Variants in TMEM41A observed in about 807,000 individuals in gnomAD.
TMEM41A encodes transmembrane protein 41A.
In TMEM41A, 20 loss-of-function variants were observed where a neutral mutation model predicts 25.7. That is an observed-to-expected ratio of 0.78 (90% confidence interval 0.55 to 1.13). TMEM41A has a LOEUF of 1.13. Among genes scored for constraint, TMEM41A ranks in the 50% most tolerant of loss-of-function variants. TMEM41A has a pLI of 0.00. For missense variants in TMEM41A, 299 were observed against 314.3 expected (o/e 0.95, Z 0.37); for synonymous variants, 133 against 139.6 (o/e 0.95, Z 0.33).
chr3:185,491,917 A>T (rs1326169967), intron 4 of TMEM41A, among the ~76,000 whole-genome samples, 160 bp from the exon 5 acceptor site: 1 of 151,634 alleles, frequency 6.6e-6, no homozygotes, highest in Admixed American at 6.6e-5. Context: ...CTTTTCTATT[A>T]TTTTCCCTCC....
Position 185,498,978 on chromosome 3 carries a change from G to GTCT in TMEM41A, c.-18_-17insAGA. 1 of 1,579,010 alleles carries GTCT rather than the reference G, an allele frequency of 6.3e-7. No homozygotes were observed. Among genetic ancestry groups the GTCT allele is most frequent in the African/African-American group, 1.4e-5 (1 of 73,796 alleles). ...CGGGCGCATGTCGGCTCCGCACCCC[G>GTCT]GCCCGCGGGGCAGCCGAGAAGCTCA... On this transcript the variant is annotated 5_prime_UTR_variant, in exon 1 of 5. Transcript: ENST00000421852.
Position 185,496,935 on chromosome 3 carries a change from C to G in TMEM41A, c.166G>C (p.Glu56Gln), listed in dbSNP as rs1487426527. ...TCCTTCCGGTACTCTCGAAGGACCT[C>G]AGAGAGCTCCCGCAGCTCTGCCAGG... ...SDLAELRELS[E>Q]VLREYRKEHQ... The change falls in exon 2 of 5, where the codon GAG becomes CAG. Residue 56 changes from glutamate (E) to glutamine (Q), a missense_variant. Physicochemically the swap from Glu to Gln is conservative, Grantham distance 29. Transcript: ENST00000421852. 4 of 1,601,622 alleles carry G rather than the reference C, an allele frequency of 2.5e-6. No individual in the cohort carries two copies. The highest frequency in any genetic ancestry group is 2.7e-5 in the African/African-American group (2 of 74,838).
At chr3:185,493,438 C>G (rs1433409605) in intron 4 of TMEM41A, 1 of 152,194 alleles carries the variant, frequency 6.6e-6, no homozygotes, top group African/African-American at 2.4e-5. Context: ...AGATCCTGAT[C>G]CCTGAGTCCT....
At chr3:185,496,111 G>C (rs1012405155) in intron 2 of TMEM41A, 1 of 154,086 alleles carries the variant, frequency 6.5e-6, no homozygotes, top group African/African-American at 2.4e-5. Flanking sequence ...AAGATGTCTT[G>C]GTTTAAGAAA....
At chr3:185,495,020 C>G in intron 3 of TMEM41A, 134 bp downstream of exon 3, 2 of 1,159,218 alleles carry the variant, frequency 1.7e-6, no homozygotes, top group South Asian at 2.9e-5. Flanking sequence ...CTGAAGACAT[C>G]AAAAGAACCC....
intron 3 of TMEM41A, 104 bp from the exon 4 acceptor site, chr3:185,494,865 C>A: frequency 7.5e-7 from 1 of 1,338,232 alleles, no homozygotes; most frequent in South Asian, 1.5e-5. Flanking sequence ...ATAATCTGTT[C>A]CCAATTCTTC....
chr3:185,491,667 A>G lies in TMEM41A; in HGVS notation c.665T>C (p.Val222Ala), dbSNP rs748807665. 1.7e-5 allele frequency: 28 copies of G among 1,614,110 alleles called. No homozygotes were observed. The highest frequency in any genetic ancestry group is 2.3e-5 in the Non-Finnish European group (27 of 1,180,048). ...SLDALFSWDT[V>A]FKLLAIAMVA... The stretch of plus-strand genomic sequence containing the variant: ...CATGGCAATGGCCAACAGCTTAAAG[A>G]CAGTGTCCCAGGAGAAAAGAGCATC... The change falls in exon 5 of 5, where the codon GTC becomes GCC. Residue 222 changes from valine (V) to alanine (A), a missense_variant. Coordinates refer to ENST00000421852, the MANE Select transcript of TMEM41A (RefSeq NM_080652.4).
Position 185,491,964 on chromosome 3 carries a change from A to G in TMEM41A, c.575-207T>C, listed in dbSNP as rs565412400. Reference sequence around the variant, plus strand: ...CCCATATATGCCTGTCTTGTTCAACAAAAGAACTTGAGATATTTACACAAA... The same window carrying G: ...CCCATATATGCCTGTCTTGTTCAACGAAAGAACTTGAGATATTTACACAAA... On this transcript the variant is annotated intron_variant, in intron 4 of 4. Transcript: ENST00000421852. Among the ~76,000 whole-genome samples the G allele has an allele frequency of 1.8e-3, 269 of 152,210 alleles. 1 individual carries two copies. Among genetic ancestry groups the G allele is most frequent in the African/African-American group, 6.3e-3 (260 of 41,516 alleles).
At chr3:185,495,676 A>G (rs1719081512) in intron 2 of TMEM41A, 2 of 213,860 alleles carry the variant, frequency 9.4e-6, no homozygotes, top group Non-Finnish European at 1.9e-5. Context: ...TCCCGGACTC[A>G]AGTGATCCTC....
chr3:185,498,074 T>G (rs1719155803), intron 1 of TMEM41A, among the ~76,000 whole-genome samples: 1 of 131,974 alleles, frequency 7.6e-6, no homozygotes, highest in African/African-American at 2.9e-5. Flanking sequence ...CTGGCCAACA[T>G]AATGAGACCC....
intron 1 of TMEM41A, 87 bp downstream of exon 1, chr3:185,498,756 C>CCCGAATCT: frequency 8.9e-6 from 9 of 1,009,626 alleles, no homozygotes; most frequent in South Asian, 6.8e-5. Context: ...GATACCGGAA[C>CCCGAATCT]CCGAATCTCC....
rs1318021269 is a variant in TMEM41A, at chr3:185,496,913, T to C, written c.188A>G (p.Lys63Arg). 1.9e-6 allele frequency: 3 copies of C among 1,604,602 alleles called. No individual in the cohort carries two copies. Among genetic ancestry groups the C allele is most frequent in the Non-Finnish European group, 2.5e-6 (3 of 1,176,884 alleles). Residue 63 changes from lysine (K) to arginine (R), a missense_variant, in exon 2 of 5, where the codon AAG (lysine) becomes AGG (arginine). Transcript: ENST00000421852. The stretch of plus-strand genomic sequence containing the variant: ...CAGGAACACGTAGGCCTGGTGCTCC[T>C]TCCGGTACTCTCGAAGGACCTCAGA... ...ELSEVLREYR[K>R]EHQAYVFLLF...
At position 185,496,820 on chromosome 3, in the gene TMEM41A, A is replaced by G. The variant is rs1383851793; in HGVS notation, c.273+8T>C. The G allele has an allele frequency of 4.4e-6, 7 of 1,603,284 alleles. No individual in the cohort carries two copies. In the South Asian group the frequency reaches 7.9e-5, roughly 18 times the overall value. ...GAAACAGGGTTGGAGGGAGGGCAGG[A>G]CACTGACCAGGAAGCTGGAGCCGGG... On this transcript the variant is annotated splice_region_variant and intron_variant, in intron 2 of 4. Coordinates refer to ENST00000421852, the MANE Select transcript of TMEM41A (RefSeq NM_080652.4).
rs775234725 is a variant in TMEM41A at position 185,496,823 on chromosome 3, C to A, written c.273+5G>T. 1 of 1,604,108 alleles carries A rather than the reference C, an allele frequency of 6.2e-7. No homozygotes were observed. The highest frequency in any genetic ancestry group is 1.7e-5 in the Admixed American group (1 of 57,948). On this transcript the variant is annotated splice_donor_5th_base_variant and intron_variant, in intron 2 of 4. Coordinates refer to ENST00000421852, the MANE Select transcript of TMEM41A (RefSeq NM_080652.4). ...ACAGGGTTGGAGGGAGGGCAGGACA[C>A]TGACCAGGAAGCTGGAGCCGGGGAT...
chr3:185,491,850 T>A, intron 4 of TMEM41A, 93 bp from the exon 5 acceptor site: 1 of 905,906 alleles, frequency 1.1e-6, no homozygotes, highest in Non-Finnish European at 1.6e-6. Context: ...GTGACTACGG[T>A]TTTTTTTTGC....
intron 2 of TMEM41A, 90 bp from the exon 3 acceptor site, chr3:185,495,405 CCTT>C: frequency 4.8e-6 from 6 of 1,261,332 alleles, no homozygotes; most frequent in Non-Finnish European, 6.6e-6. Flanking sequence ...GTTCCCTCCT[CCTT>C]CACTGCTTTT....
chr3:185,493,061 G>A (rs749511882), intron 4 of TMEM41A: 3 of 152,208 alleles, frequency 2.0e-5, no homozygotes, highest in Non-Finnish European at 4.4e-5. Context: ...TGACCTAGAA[G>A]CCCTGAATCG....
chr3:185,498,242 G>GCTCCAGTCT (rs1719165121), intron 1 of TMEM41A, among the ~76,000 whole-genome samples: 2 of 150,674 alleles, frequency 1.3e-5, no homozygotes, highest in Admixed American at 1.3e-4. Context: ...TCCAGCCTGG[G>GCTCCAGTCT]TGACAGAGCA....
At position 185,491,476 on chromosome 3, in the gene TMEM41A, A is replaced by G. The variant is rs1044273895; in HGVS notation, c.*61T>C. 1 of 1,363,498 alleles carries G rather than the reference A, an allele frequency of 7.3e-7. No individual in the cohort carries two copies. Among genetic ancestry groups the G allele is most frequent in the African/African-American group, 1.4e-5 (1 of 70,058 alleles). 84.5% of individuals were successfully genotyped at this position (1,363,498 alleles called of 1,614,324 possible). On this transcript the variant is annotated 3_prime_UTR_variant, in exon 5 of 5. Transcript: ENST00000421852. ...CAAAAACAATGAGGGGCTTTAGAGG[A>G]CCACATCCATTACACAAATAAGCAA...
Sources: gnomAD v4.1 joint callset for allele counts (sites outside exome capture counted in the v4.1 genomes callset) on GRCh38, gnomAD v4.1.1 for gene constraint, MANE v1.5 for transcripts, NCBI Gene and HGNC (gene_info 2026-07-23, HGNC 2026-07-21) for gene names.